USH2A: variants seen among roughly 807,000 people sequenced by gnomAD.
USH2A encodes usherin.
A neutral mutation model predicts 538.9 loss-of-function variants in USH2A; 443 were observed. That is an observed-to-expected ratio of 0.82 (90% CI 0.76 to 0.89). The LOEUF is 0.89. Among genes scored for constraint, USH2A ranks in the 40% least tolerant of loss-of-function variants. USH2A has a pLI of 0.00. For missense variants in USH2A, 6,633 were observed against 6,324.8 expected, an observed-to-expected ratio of 1.05 and a Z score of -1.65; for synonymous variants, 2,413 against 2,273.5, an observed-to-expected ratio of 1.06 and a Z score of -1.75.
chr1:215,861,233 G>A (rs1197725908), intron 44 of USH2A, among the ~76,000 whole-genome samples: 1 of 152,024 alleles, frequency 6.6e-6, no homozygotes, highest in African/African-American at 2.4e-5. Context: ...TTCTATCAGG[G>A]GCCTGCCAGA....
chr1:216,326,696 G>T (rs1338361688), intron 5 of USH2A, among the ~76,000 whole-genome samples: 2 of 152,084 alleles, frequency 1.3e-5, no homozygotes, highest in African/African-American at 4.8e-5. Context: ...AGCCTGGTAA[G>T]AAAGAATGTT....
At chr1:216,274,179 C>T (rs11120752) in intron 11 of USH2A, among the ~76,000 whole-genome samples, 87,970 of 151,860 alleles carry the variant, frequency 0.58, 27,421 homozygotes, top group East Asian at 0.73. Context: ...CTTAGTCATG[C>T]ATCTCATCAA....
intron 21 of USH2A, among the ~76,000 whole-genome samples, chr1:216,172,758 G>A (rs1341624388): frequency 1.3e-5 from 2 of 152,124 alleles, no homozygotes; most frequent in African/African-American, 4.8e-5. Flanking sequence ...CTTGCTGTTT[G>A]TGAGCTGAAA....
chr1:216,002,780 C>T (rs779953242), intron 32 of USH2A, among the ~76,000 whole-genome samples: 2 of 152,122 alleles, frequency 1.3e-5, no homozygotes, highest in East Asian at 1.9e-4. Context: ...GAAGAAGTTA[C>T]TCCATTCAAA....
intron 61 of USH2A, among the ~76,000 whole-genome samples, chr1:215,683,837 C>T (rs1275266158): frequency 6.6e-6 from 1 of 152,038 alleles, no homozygotes; most frequent in Non-Finnish European, 1.5e-5. Flanking sequence ...TCCTTCCTTT[C>T]ACTCTTCCTA....
At chr1:216,137,513 A>G (rs1320690395) in intron 21 of USH2A, among the ~76,000 whole-genome samples, 6 of 152,152 alleles carry the variant, frequency 3.9e-5, no homozygotes, top group African/African-American at 1.2e-4. Flanking sequence ...CAGGGTTCCC[A>G]ACAGGCCGCC....
chr1:215,658,303 C>T (rs556556615), intron 64 of USH2A, among the ~76,000 whole-genome samples: 4 of 151,972 alleles, frequency 2.6e-5, no homozygotes, highest in Non-Finnish European at 5.9e-5. Flanking sequence ...CAGGAACCCA[C>T]CCCCATCCGA....
chr1:215,817,213 A>G lies in USH2A; in HGVS notation c.9372-18T>C. 6.2e-7 allele frequency: 1 copy of G among 1,610,334 alleles called. No homozygotes were observed. The highest frequency in any genetic ancestry group is 8.5e-7 in the Non-Finnish European group (1 of 1,177,372). On this transcript the variant is annotated intron_variant, in intron 47 of 71. Coordinates refer to ENST00000307340, the MANE Select transcript of USH2A (RefSeq NM_206933.4). ...GAAGAGATCTGCAACAGAGAGAATAATCAATACTTCTGAAAAGACACTATT... is the reference window on the plus strand; with the variant it reads ...GAAGAGATCTGCAACAGAGAGAATAGTCAATACTTCTGAAAAGACACTATT...
Position 216,285,510 on chromosome 1 carries a change from C to G in USH2A, c.1971+3770G>C, listed in dbSNP as rs538566501. Among the ~76,000 whole-genome samples the G allele has an allele frequency of 1.6e-4, 24 of 152,326 alleles. No homozygotes were observed. In the South Asian group the frequency reaches 3.9e-3, roughly 25 times the overall value. On this transcript the variant is annotated intron_variant, in intron 11 of 71. Coordinates refer to ENST00000307340, the MANE Select transcript of USH2A (RefSeq NM_206933.4). ...GGCAGAGCCCTAATGAATGAAGTAC[C>G]TCTGCTAAGGTAGTGTGGAAGGGAA...
chr1:216,150,968 G>A (rs1050008356), intron 21 of USH2A, among the ~76,000 whole-genome samples: 3 of 152,060 alleles, frequency 2.0e-5, no homozygotes, highest in Non-Finnish European at 4.4e-5. Flanking sequence ...AACATTAGCA[G>A]TAATTATTGC....
intron 37 of USH2A, among the ~76,000 whole-genome samples, chr1:215,964,185 G>A (rs1267528830): frequency 6.6e-6 from 1 of 152,108 alleles, no homozygotes; most frequent in Non-Finnish European, 1.5e-5. Flanking sequence ...TGCCTTGGCG[G>A]AAATAGCTGG....
intron 32 of USH2A, 122 bp downstream of exon 32, chr1:216,046,309 T>G (rs1382826419): frequency 1.9e-6 from 2 of 1,047,972 alleles, no homozygotes; most frequent in East Asian, 2.6e-5. Flanking sequence ...TTTCACATAT[T>G]TCCTAAGCAT....
chr1:216,078,005 T>C, intron 27 of USH2A, 84 bp downstream of exon 27: 1 of 1,550,006 alleles, frequency 6.5e-7, no homozygotes, highest in Non-Finnish European at 8.9e-7. Flanking sequence ...CTGAGTCTAT[T>C]GCTATCTCTT....
At chr1:215,787,368 T>A (rs575965318) in intron 51 of USH2A, among the ~76,000 whole-genome samples, 2 of 152,330 alleles carry the variant, frequency 1.3e-5, no homozygotes, top group South Asian at 4.1e-4. Flanking sequence ...CTTCCTGTGT[T>A]GTTGGGGAAG....
At chr1:215,998,193 T>C (rs1459183473) in intron 34 of USH2A, among the ~76,000 whole-genome samples, 2 of 152,126 alleles carry the variant, frequency 1.3e-5, no homozygotes, top group African/African-American at 4.8e-5. Flanking sequence ...CTCATGTTTA[T>C]ATTCAGTTAT....
At position 215,630,478 on chromosome 1, in the gene USH2A, G is replaced by GTGTA. The variant is rs1553248434; in HGVS notation, c.15298-1444_15298-1443insTACA. ...TGAATATATATGTATGTGTATGTGT[G>GTGTA]TGTGTATATATATATATATATATAT... On this transcript the variant is annotated intron_variant, in intron 70 of 71. Transcript: ENST00000307340. Among the ~76,000 whole-genome samples, 281 of 35,152 alleles carry GTGTA rather than the reference G, an allele frequency of 8.0e-3. 4 individuals are homozygous for GTGTA. Among genetic ancestry groups the GTGTA allele is most frequent in the African/African-American group, 0.02 (260 of 12,778 alleles). 23.1% of individuals were successfully genotyped at this position (35,152 alleles called of 152,430 possible).
At chr1:215,680,965 C>G (rs746906488) in intron 61 of USH2A, among the ~76,000 whole-genome samples, 13 of 151,966 alleles carry the variant, frequency 8.6e-5, no homozygotes, top group Non-Finnish European at 1.3e-4. Flanking sequence ...GTACAAACAC[C>G]CTTAGAGAAG....
At chr1:216,014,663 C>T (rs1052628590) in intron 32 of USH2A, among the ~76,000 whole-genome samples, 1 of 152,170 alleles carries the variant, frequency 6.6e-6, no homozygotes, top group Non-Finnish European at 1.5e-5. Flanking sequence ...AGATCAAACA[C>T]AGGGAGTTGT....
chr1:216,421,759 C>A (rs918971121), intron 2 of USH2A, 93 bp downstream of exon 2: 2 of 1,581,326 alleles, frequency 1.3e-6, no homozygotes, highest in African/African-American at 1.3e-5. Context: ...TTCTATATAG[C>A]CTTCACTTCC....
Sources: allele counts gnomAD v4.1 joint callset (sites outside exome capture counted in the v4.1 genomes callset), GRCh38; gene constraint gnomAD v4.1.1; transcripts MANE v1.5; gene names NCBI Gene and HGNC (gene_info 2026-07-23, HGNC 2026-07-21).